Variants in SNX10 observed in about 807,000 individuals in gnomAD.
SNX10 encodes the protein sorting nexin 10, also known as sorting nexin-10.
In SNX10, 25 loss-of-function variants were observed where a neutral mutation model predicts 28.5. That is an observed-to-expected ratio of 0.88 (90% confidence interval 0.64 to 1.22). The LOEUF is 1.22. Ranked by LOEUF, SNX10 falls within the 50% of genes most tolerant of loss-of-function variation. SNX10 has a pLI of 0.00. For synonymous variants in SNX10, 62 were observed against 81.4 expected (o/e 0.76, Z 1.28); for missense variants, 223 against 242.6 (o/e 0.92, Z 0.54).
chr7:26,358,709 C>T (rs2128019993), intron 2 of SNX10, among the ~76,000 whole-genome samples: 1 of 151,902 alleles, frequency 6.6e-6, no homozygotes, highest in African/African-American at 2.4e-5. Context: ...CGTACCACTG[C>T]ACTCCAGTCT....
At chr7:26,308,693 T>C (rs568091938) in intron 1 of SNX10, among the ~76,000 whole-genome samples, 2 of 152,194 alleles carry the variant, frequency 1.3e-5, no homozygotes, top group Non-Finnish European at 2.9e-5. Context: ...TGAGCCGCTC[T>C]AGCAAATTAA....
chr7:26,315,451 A>C (rs1413537822), intron 1 of SNX10, among the ~76,000 whole-genome samples: 6 of 151,354 alleles, frequency 4.0e-5, no homozygotes, highest in Non-Finnish European at 8.9e-5. Context: ...GGCGGATCAC[A>C]AGGTCAGGAG....
At chr7:26,351,628 A>G (rs1227105264) in intron 2 of SNX10, among the ~76,000 whole-genome samples, 1 of 151,404 alleles carries the variant, frequency 6.6e-6, no homozygotes, top group African/African-American at 2.4e-5. Flanking sequence ...GTGAAAACTA[A>G]AGCAATCAAG....
intron 5 of SNX10, among the ~76,000 whole-genome samples, chr7:26,367,959 T>TG (rs1789363615): frequency 6.6e-6 from 1 of 152,246 alleles, no homozygotes; most frequent in Non-Finnish European, 1.5e-5. Context: ...TCAAACCTTT[T>TG]GAAACCACAA....
intron 1 of SNX10, among the ~76,000 whole-genome samples, chr7:26,323,376 A>G (rs1651362949): frequency 1.3e-5 from 2 of 152,294 alleles, no homozygotes; most frequent in African/African-American, 2.4e-5. Flanking sequence ...GGACACAGCT[A>G]AAAAACAGTC....
intron 1 of SNX10, among the ~76,000 whole-genome samples, chr7:26,345,555 G>GCCTGTGTTCCTGCTTC (rs1788350112): frequency 2.0e-5 from 3 of 152,290 alleles, no homozygotes; most frequent in African/African-American, 7.2e-5. Context: ...TGGAAGCGGA[G>GCCTGTGTTCCTGCTTC]CCTGTGTTCC....
At chr7:26,326,540 G>T (rs912173577) in intron 1 of SNX10, among the ~76,000 whole-genome samples, 1 of 152,148 alleles carries the variant, frequency 6.6e-6, no homozygotes, top group Non-Finnish European at 1.5e-5. Flanking sequence ...GCAATGAAAG[G>T]TTTTAGTGAT....
intron 1 of SNX10, among the ~76,000 whole-genome samples, chr7:26,341,808 A>G (rs1788186279): frequency 6.6e-6 from 1 of 152,006 alleles, no homozygotes; most frequent in African/African-American, 2.4e-5. Flanking sequence ...ATTATGACAG[A>G]CACATAAGGT....
In SNX10 at chr7:26,373,352, T is replaced by C. The variant is rs922592771; in HGVS notation, c.*780T>C. ...TTGTATAATCAGGTTAATGATTTATTTTTTGACTAAATGTGCAATTTCTTA... is the reference window on the plus strand; with the variant it reads ...TTGTATAATCAGGTTAATGATTTATCTTTTGACTAAATGTGCAATTTCTTA... On this transcript the variant is annotated 3_prime_UTR_variant, in exon 7 of 7. Coordinates refer to ENST00000338523, the MANE Select transcript of SNX10 (RefSeq NM_013322.3). This position sits in a 1 kb window ranked among gnomAD's most constrained non-coding sequence, Gnocchi z 4.2. The C allele has an allele frequency of 3.9e-5, 6 of 152,104 alleles. No homozygotes were observed. Among genetic ancestry groups the C allele is most frequent in the Admixed American group, 3.9e-4 (6 of 15,276 alleles). The allele number at this position is 152,104 out of a possible 1,614,324, so 9.4% of individuals were successfully genotyped here. A position where few individuals can be genotyped will look rare whatever the true frequency, so the allele number is the denominator to read the frequency against.
chr7:26,320,624 G>C (rs1250497206), intron 1 of SNX10, among the ~76,000 whole-genome samples: 1 of 151,646 alleles, frequency 6.6e-6, no homozygotes, highest in Non-Finnish European at 1.5e-5. Context: ...CTAGAGACGG[G>C]GGTTTCACCA....
intron 1 of SNX10, among the ~76,000 whole-genome samples, chr7:26,314,970 C>CT (rs1787013344): frequency 2.7e-5 from 4 of 146,142 alleles, no homozygotes; most frequent in Non-Finnish European, 6.0e-5. Context: ...TGTACTCCAG[C>CT]CTGGGTGACC....
rs112722786 is a variant in SNX10 at position 26,314,568 on chromosome 7, C to T, written c.-24+22482C>T. On this transcript the variant is annotated intron_variant, in intron 1 of 6. Transcript: ENST00000338523. Reference sequence around the variant, plus strand: ...CTTGGGCTTTTAGTTGTTATATTGACTTGTGAATTTGCTGAGATTTAGCAA... The same window carrying T: ...CTTGGGCTTTTAGTTGTTATATTGATTTGTGAATTTGCTGAGATTTAGCAA... Among the ~76,000 whole-genome samples, 7 of 152,264 alleles carry T rather than the reference C, an allele frequency of 4.6e-5. 1 individual carries two copies. Among genetic ancestry groups the T allele is most frequent in the African/African-American group, 1.7e-4 (7 of 41,542 alleles).
chr7:26,370,739 G>T (rs1245320034), intron 5 of SNX10: 1 of 152,092 alleles, frequency 6.6e-6, no homozygotes, highest in Non-Finnish European at 1.5e-5. Flanking sequence ...GGTTCATTTG[G>T]TCTGAAATAC....
At chr7:26,299,645 C>T (rs958571295) in intron 1 of SNX10, among the ~76,000 whole-genome samples, 4 of 150,522 alleles carry the variant, frequency 2.7e-5, no homozygotes, top group Admixed American at 1.3e-4. Flanking sequence ...TGGCTGGTCT[C>T]GAACTCGTGA....
chr7:26,338,091 G>A (rs1428638594), intron 1 of SNX10, among the ~76,000 whole-genome samples: 6 of 148,142 alleles, frequency 4.1e-5, no homozygotes, highest in Non-Finnish European at 8.9e-5. Flanking sequence ...TTGGAGAAAC[G>A]TCTATCAATT....
intron 1 of SNX10, among the ~76,000 whole-genome samples, chr7:26,302,012 G>A (rs1786387961): frequency 6.6e-6 from 1 of 152,142 alleles, no homozygotes; most frequent in Non-Finnish European, 1.5e-5. Flanking sequence ...GATTATAAAA[G>A]GCTGTAACTT....
rs1270172552 is a variant in SNX10 at position 26,336,355 on chromosome 7, GTTC to G, written c.-23-10062_-23-10060del. On this transcript the variant is annotated intron_variant, in intron 1 of 6. Transcript: ENST00000338523. ...TTAATTTTATTGTGCATAAGCTCCA[GTTC>G]TTAAGTAAATATGTAAAAAAAAAAA... Among the ~76,000 whole-genome samples, 5 of 151,238 alleles carry G rather than the reference GTTC, an allele frequency of 3.3e-5. No homozygotes were observed. The South Asian group carries it at 1.0e-3, about 31-fold the overall frequency.
intron 1 of SNX10, among the ~76,000 whole-genome samples, chr7:26,306,429 T>G (rs1786596108): frequency 6.6e-6 from 1 of 150,562 alleles, no homozygotes; most frequent in Non-Finnish European, 1.5e-5. Context: ...TTTTTTTTTT[T>G]GAGACAGGGT....
At chr7:26,308,321 T>G (rs1225005252) in intron 1 of SNX10, among the ~76,000 whole-genome samples, 2 of 152,306 alleles carry the variant, frequency 1.3e-5, no homozygotes, top group East Asian at 1.9e-4. Flanking sequence ...GACCCTCATT[T>G]CAGGAGGGGT....
Sources: allele counts gnomAD v4.1 joint callset (sites outside exome capture counted in the v4.1 genomes callset), GRCh38; gene constraint gnomAD v4.1.1; non-coding constraint Gnocchi (gnomAD v3.1); transcripts MANE v1.5; gene names NCBI Gene and HGNC (gene_info 2026-07-23, HGNC 2026-07-21).